The following KBTBD2 variants were observed in gnomAD, a reference collection of about 807,000 sequenced individuals.
The protein encoded by KBTBD2 is kelch repeat and BTB domain-containing protein 2.
In KBTBD2, 17 loss-of-function variants were observed where a neutral mutation model predicts 57.1. The observed-to-expected ratio is 0.30, with a 90% CI of 0.20 to 0.45. The LOEUF (loss-of-function observed/expected upper bound fraction) is 0.45. KBTBD2 is among the 20% of genes least tolerant of loss of function. KBTBD2 has a pLI of 1.00. For missense variants in KBTBD2, 515 were observed against 750.6 expected (o/e 0.69, Z 3.67); for synonymous variants, 267 against 262.7 (o/e 1.02, Z -0.16).
rs749169375 is a variant in KBTBD2 at position 32,870,638 on chromosome 7, G to C, written c.579C>G (p.Thr193=). 1.2e-6 allele frequency: 2 copies of C among 1,613,866 alleles called. No individual in the cohort carries two copies. The highest frequency in any genetic ancestry group is 1.3e-5 in the African/African-American group (1 of 74,890). Residue 193 remains threonine, a synonymous_variant, in exon 4 of 4, where the codon ACC becomes ACG. Coordinates refer to ENST00000304056, the MANE Select transcript of KBTBD2 (RefSeq NM_015483.3). The stretch of plus-strand genomic sequence containing the variant: ...GCCACAGCATAGCAGCTTCTCGAAC[G>C]GTTTCTTCCTTTTCTACATTTAAAT... ...SDNLNVEKEE[T]VREAAMLWLE...
At chr7:32,871,813 C>T (rs1306078447) in intron 3 of KBTBD2, among the ~76,000 whole-genome samples, 1 of 148,444 alleles carries the variant, frequency 6.7e-6, no homozygotes, top group South Asian at 2.2e-4. Context: ...TATTGGTAGT[C>T]ATAGAATGCC....
intron 1 of KBTBD2, among the ~76,000 whole-genome samples, chr7:32,888,900 A>C (rs868103558): frequency 3.9e-5 from 6 of 152,182 alleles, no homozygotes; most frequent in Admixed American, 2.0e-4. Flanking sequence ...AAAAAATTAA[A>C]CAAGAACATA....
chr7:32,883,154 T>TC (rs1562536534), intron 1 of KBTBD2, among the ~76,000 whole-genome samples: 1 of 151,870 alleles, frequency 6.6e-6, no homozygotes, highest in African/African-American at 2.4e-5. Context: ...GCAGATCACT[T>TC]GAGGCCTGAG....
intron 3 of KBTBD2, chr7:32,874,654 A>C (rs1349077530): frequency 6.2e-6 from 1 of 162,334 alleles, no homozygotes; most frequent in Non-Finnish European, 1.3e-5. Flanking sequence ...TAAACCACAT[A>C]ATAAACCAAT....
intron 3 of KBTBD2, among the ~76,000 whole-genome samples, chr7:32,873,465 G>A (rs980612009): frequency 1.3e-5 from 2 of 152,066 alleles, no homozygotes; most frequent in African/African-American, 4.8e-5. Flanking sequence ...TGGGAGTGGT[G>A]GCTCATGCCT....
rs529522363 is a variant in KBTBD2 at position 32,873,356 on chromosome 7, T to A, written c.336+1636A>T. On this transcript the variant is annotated intron_variant, in intron 3 of 3. Transcript: ENST00000304056. ...AAGTTTTCTGTGAAAAATAGTACCA[T>A]GAAAAATTAGTATATCTAAGCTCTA... Among the ~76,000 whole-genome samples, 4 of 84,484 alleles carry A rather than the reference T, an allele frequency of 4.7e-5. No homozygotes were observed. In the South Asian group the frequency reaches 1.4e-3, roughly 29 times the overall value. The allele number at this position is 84,484 out of a possible 152,430, so 55.4% of individuals were successfully genotyped here.
intron 1 of KBTBD2, chr7:32,891,303 C>G (rs1784732907): frequency 6.7e-6 from 1 of 148,706 alleles, no homozygotes; most frequent in East Asian, 2.0e-4. Context: ...CGGACCTGCC[C>G]GGAGCTCCGC....
intron 3 of KBTBD2, chr7:32,874,630 G>A (rs776239564): frequency 7.7e-5 from 12 of 155,058 alleles, no homozygotes; most frequent in Non-Finnish European, 1.6e-4. Flanking sequence ...GTTTAACAAT[G>A]TTTCCTCACA....
At position 32,885,472 on chromosome 7, in the gene KBTBD2, TAA is replaced by T. The variant is rs5883374; in HGVS notation, c.-338-5532_-338-5531del. ...TAGTGTGAGTACCTTTAATTAAGGT[TAA>T]AAAAAAAAAAAAAGACATCTCTCCC... On this transcript the variant is annotated intron_variant, in intron 1 of 3. Coordinates refer to ENST00000304056, the MANE Select transcript of KBTBD2 (RefSeq NM_015483.3). Among the ~76,000 whole-genome samples, 1,116 of 130,078 alleles carry T rather than the reference TAA, an allele frequency of 8.6e-3. 14 individuals carry two copies. The highest frequency in any genetic ancestry group is 0.025 in the African/African-American group (890 of 35,076). 85.3% of individuals were successfully genotyped at this position (130,078 alleles called of 152,430 possible). A position where few individuals can be genotyped will look rare whatever the true frequency, so the allele number is the denominator to read the frequency against.
rs1784398867 is a variant in KBTBD2 at position 32,879,560 on chromosome 7, C to T, written c.45G>A (p.Val15=). The T allele has an allele frequency of 1.9e-6, 3 of 1,613,558 alleles. No homozygotes were observed. Among genetic ancestry groups the T allele is most frequent in the Non-Finnish European group, 2.5e-6 (3 of 1,179,710 alleles). ...DERQINTEYA[V]SLLEQLKLFY... ...ACAGTTTCAACTGTTCCAACAATGA[C>T]ACAGCATATTCAGTATTGATCTGCC... Residue 15 remains valine, a synonymous_variant, in exon 2 of 4, where the codon GTG becomes GTA. Transcript: ENST00000304056.
chr7:32,874,278 T>C (rs2127950244), intron 3 of KBTBD2, among the ~76,000 whole-genome samples: 1 of 152,106 alleles, frequency 6.6e-6, no homozygotes, highest in East Asian at 1.9e-4. Flanking sequence ...TAGGCACCTG[T>C]AGTCCCAGCT....
At position 32,870,652 on chromosome 7, in the gene KBTBD2, C is replaced by G; in HGVS notation, c.565G>C (p.Glu189Gln). 1 of 1,614,108 alleles carries G rather than the reference C, an allele frequency of 6.2e-7. No homozygotes were observed. Among genetic ancestry groups the G allele is most frequent in the Non-Finnish European group, 8.5e-7 (1 of 1,179,998 alleles). The change falls in exon 4 of 4, where the codon GAA becomes CAA. Residue 189 changes from glutamate to glutamine, a missense_variant. By Grantham distance (29) the Glu-to-Gln change is conservative. Transcript: ENST00000304056. Reference protein sequence around the residue: ...DILSSDNLNVEKEETVREAAM... With the variant: ...DILSSDNLNVQKEETVREAAM... ...GCTTCTCGAACGGTTTCTTCCTTTT[C>G]TACATTTAAATTGTCACTACTGAGA... is the stretch of plus-strand genomic sequence containing the variant.
chr7:32,869,992 A>C lies in KBTBD2; in HGVS notation c.1225T>G (p.Trp409Gly). 6.2e-7 allele frequency: 1 copy of C among 1,613,896 alleles called. No homozygotes were observed. ...VERYDTEKDE[W>G]TMVSPLPCAW... The stretch of plus-strand genomic sequence containing the variant: ...CAAGGTAAAGGGCTTACCATCGTCC[A>C]CTCATCTTTCTCAGTGTCGTATCTT... The change falls in exon 4 of 4, where the codon TGG (tryptophan) becomes GGG (glycine). Residue 409 changes from tryptophan to glycine, a missense_variant. Physicochemically the swap from Trp to Gly is radical, Grantham distance 184. Transcript: ENST00000304056.
At chr7:32,891,162 C>A (rs1784725777) in intron 1 of KBTBD2, 1 of 151,742 alleles carries the variant, frequency 6.6e-6, no homozygotes, top group African/African-American at 2.4e-5. Context: ...TTAAGGGAAA[C>A]AGCTTTACTT....
intron 3 of KBTBD2, among the ~76,000 whole-genome samples, chr7:32,873,564 C>T (rs1362767628): frequency 3.3e-5 from 5 of 151,880 alleles, no homozygotes; most frequent in African/African-American, 2.4e-5. Context: ...TGAAACCCCA[C>T]CTCAACTAAA....
chr7:32,876,286 A>C (rs1784309528), intron 2 of KBTBD2, among the ~76,000 whole-genome samples: 1 of 152,202 alleles, frequency 6.6e-6, no homozygotes, highest in Non-Finnish European at 1.5e-5. Flanking sequence ...TCAAGGACAG[A>C]GATGAAGAAG....
At chr7:32,874,840 T>C in intron 3 of KBTBD2, 152 bp downstream of exon 3, 2 of 542,674 alleles carry the variant, frequency 3.7e-6, no homozygotes, top group Non-Finnish European at 3.2e-6. Flanking sequence ...ATACAAAAAT[T>C]AGCACCTGTA....
Position 32,869,716 on chromosome 7 carries a change from T to C in KBTBD2, c.1501A>G (p.Ile501Val), listed in dbSNP as rs1404547233. 11 of 1,614,120 alleles carry C rather than the reference T, an allele frequency of 6.8e-6. No homozygotes were observed. The highest frequency in any genetic ancestry group is 1.1e-5 in the South Asian group (1 of 91,074). ...TVDGSSVTVE[I>V]YDVNKNEWKM... ...CACTCATTTTTATTCACATCATAAA[T>C]TTCCACAGTTACTGAAGACCCATCT... is the stretch of plus-strand genomic sequence containing the variant. Residue 501 changes from isoleucine (I) to valine (V), a missense_variant, in exon 4 of 4, where the codon ATT becomes GTT. Ile to Val is a conservative substitution (Grantham distance 29). Coordinates refer to ENST00000304056, the MANE Select transcript of KBTBD2 (RefSeq NM_015483.3).
chr7:32,870,239 A>G lies in KBTBD2; in HGVS notation c.978T>C (p.Pro326=), dbSNP rs1311541586. 1.2e-6 allele frequency: 2 copies of G among 1,614,050 alleles called. No individual in the cohort carries two copies. The highest frequency in any genetic ancestry group is 2.7e-5 in the African/African-American group (2 of 74,930). ...TGTGATTTGTTTTTGTGTTTTTCAG[A>G]GGAACTTGACCCCCTGCTATGTAGA... ...NDIYIAGGQV[P]LKNTKTNHSK... Residue 326 remains proline (P), a synonymous_variant, in exon 4 of 4, where the codon CCT becomes CCC. Transcript: ENST00000304056.
Sources: gnomAD v4.1 joint callset for allele counts (sites outside exome capture counted in the v4.1 genomes callset) on GRCh38, gnomAD v4.1.1 for gene constraint, MANE v1.5 for transcripts, NCBI Gene and HGNC (gene_info 2026-07-23, HGNC 2026-07-21) for gene names.